Variants in MTUS2 observed in about 807,000 individuals in gnomAD.
MTUS2 encodes the protein microtubule-associated tumor suppressor candidate 2.
MTUS2 carries 40 observed loss-of-function variants against 114.1 expected under a neutral mutation model. The ratio of observed to expected loss-of-function variants is 0.35; its 90% CI spans 0.27 to 0.46. MTUS2 has a LOEUF of 0.46. Among genes scored for constraint, MTUS2 ranks in the 20% least tolerant of loss-of-function variants. MTUS2 has a pLI of 1.00. For synonymous variants in MTUS2, 688 were observed against 672.0 expected, an observed-to-expected ratio of 1.02 and a Z score of -0.37; for missense variants, 1,679 against 1,705.4, an observed-to-expected ratio of 0.98 and a Z score of 0.27.
chr13:29,000,741 C>A (rs1885348666), intron 2 of MTUS2, among the ~76,000 whole-genome samples: 1 of 152,216 alleles, frequency 6.6e-6, no homozygotes, highest in Non-Finnish European at 1.5e-5. Flanking sequence ...TCACCCTTGA[C>A]CTCACATCTG....
chr13:28,931,398 C>T (rs1160387029), intron 2 of MTUS2, among the ~76,000 whole-genome samples: 1 of 152,062 alleles, frequency 6.6e-6, no homozygotes, highest in African/African-American at 2.4e-5. Flanking sequence ...GGCAGTTTCC[C>T]CCATGTTGTT....
At chr13:28,895,910 C>T (rs374301150) in intron 2 of MTUS2, among the ~76,000 whole-genome samples, 2 of 152,126 alleles carry the variant, frequency 1.3e-5, no homozygotes, top group Admixed American at 6.5e-5. Flanking sequence ...ATATTTCCAC[C>T]GGCTCAGGAA....
chr13:29,442,815 A>T (rs1445442785), intron 9 of MTUS2, among the ~76,000 whole-genome samples: 1 of 152,230 alleles, frequency 6.6e-6, no homozygotes, highest in South Asian at 2.1e-4. Flanking sequence ...TTGGGTCTTC[A>T]GAGACTCAGG....
chr13:29,306,896 T>C lies in MTUS2; in HGVS notation c.2807-17717T>C, dbSNP rs1240987205. ...GCCATCAGTGACCCCTTCATTGACC[T>C]CAACTACATGGTCTACATGTTCCAG... On this transcript the variant is annotated intron_variant, in intron 6 of 15. Transcript: ENST00000612955. The C allele has an allele frequency of 8.5e-5, 44 of 514,662 alleles. No individual in the cohort carries two copies. The Admixed American group carries it at 8.6e-4, about 10-fold the overall frequency. The allele number at this position is 514,662 out of a possible 1,614,324, so 31.9% of individuals were successfully genotyped here.
chr13:28,976,034 T>A (rs570130915), intron 2 of MTUS2, among the ~76,000 whole-genome samples: 5 of 151,830 alleles, frequency 3.3e-5, no homozygotes, highest in Non-Finnish European at 5.9e-5. Flanking sequence ...CAGAGCTGCC[T>A]TGGAGGCAAA....
chr13:29,503,787 C>T lies in MTUS2; in HGVS notation c.*581C>T, dbSNP rs1029260893. ...GAAGAAGCGCCTTTCAACTCACCACCAAGTGGTACTCTCTTTAACACGAAC... is the reference window on the plus strand; with the variant it reads ...GAAGAAGCGCCTTTCAACTCACCACTAAGTGGTACTCTCTTTAACACGAAC... On this transcript the variant is annotated 3_prime_UTR_variant, in exon 16 of 16. Coordinates refer to ENST00000612955, the MANE Select transcript of MTUS2 (RefSeq NM_001033602.4). 4.2e-6 allele frequency: 1 copy of T among 237,066 alleles called. No individual in the cohort carries two copies. The highest frequency in any genetic ancestry group is 6.1e-5 in the East Asian group (1 of 16,472). The allele number at this position is 237,066 out of a possible 1,614,324, so 14.7% of individuals were successfully genotyped here.
intron 5 of MTUS2, among the ~76,000 whole-genome samples, chr13:29,145,430 G>C (rs1892393009): frequency 6.6e-6 from 1 of 152,138 alleles, no homozygotes. Flanking sequence ...TGAGGCAGGA[G>C]AATTGCTCAA....
rs150604080 is a variant in MTUS2 at position 28,894,357 on chromosome 13, T to TGAGAGA, written c.-243+54518_-243+54523dup. ...GAGAGAGAGAGAGAGAGAGTGAGAGTGAGAGAGAGAGAGAGAACAGAGCTC... is the reference window on the plus strand; with the variant it reads ...GAGAGAGAGAGAGAGAGAGTGAGAGTGAGAGAGAGAGAGAGAGAGAGAACAGAGCTC... On this transcript the variant is annotated intron_variant, in intron 2 of 15. Coordinates refer to ENST00000612955, the MANE Select transcript of MTUS2 (RefSeq NM_001033602.4). Among the ~76,000 whole-genome samples, 3 of 55,982 alleles carry TGAGAGA rather than the reference T, an allele frequency of 5.4e-5. No individual in the cohort carries two copies. In the East Asian group the frequency reaches 1.5e-3, roughly 27 times the overall value. 36.7% of individuals were successfully genotyped at this position (55,982 alleles called of 152,430 possible).
chr13:28,918,036 T>C (rs1880844040), intron 2 of MTUS2, among the ~76,000 whole-genome samples: 1 of 151,770 alleles, frequency 6.6e-6, no homozygotes, highest in South Asian at 2.1e-4. Context: ...AGTCTTCTGT[T>C]ATTGATATTA....
At chr13:29,202,962 C>T (rs760103988) in intron 5 of MTUS2, among the ~76,000 whole-genome samples, 16 of 152,198 alleles carry the variant, frequency 1.1e-4, no homozygotes, top group Non-Finnish European at 2.1e-4. Context: ...TGGGAGGTAT[C>T]TCCCAGTACA....
At chr13:28,970,604 A>G (rs1883810050) in intron 2 of MTUS2, among the ~76,000 whole-genome samples, 1 of 152,226 alleles carries the variant, frequency 6.6e-6, no homozygotes, top group Non-Finnish European at 1.5e-5. Flanking sequence ...ACAGGAAGAA[A>G]AGTAAGAAGA....
rs1897584712 is a variant in MTUS2, at chr13:29,264,237, T to C, written c.2645-17467T>C. 5.3e-5 allele frequency among the ~76,000 whole-genome samples: 8 copies of C among 152,372 alleles called. No individual in the cohort carries two copies. The South Asian group carries it at 1.7e-3, about 32-fold the overall frequency. On this transcript the variant is annotated intron_variant, in intron 5 of 15. Coordinates refer to ENST00000612955, the MANE Select transcript of MTUS2 (RefSeq NM_001033602.4). ...ATCTCCTTTGACTCCATGTCCCACA[T>C]CCAGGGCACACTAGTGCATGGGGTG...
At chr13:28,908,841 T>A (rs1324200078) in intron 2 of MTUS2, among the ~76,000 whole-genome samples, 10 of 151,644 alleles carry the variant, frequency 6.6e-5, no homozygotes, top group Non-Finnish European at 1.5e-4. Flanking sequence ...TGTAAGTCTT[T>A]AATCCATCTT....
chr13:29,500,196 G>A (rs1882795308), intron 14 of MTUS2, among the ~76,000 whole-genome samples: 1 of 152,192 alleles, frequency 6.6e-6, no homozygotes, highest in Non-Finnish European at 1.5e-5. Flanking sequence ...AGGCAAAAAA[G>A]AATCTACTCG....
At chr13:29,052,855 G>T (rs1396042050) in intron 4 of MTUS2, among the ~76,000 whole-genome samples, 1 of 152,120 alleles carries the variant, frequency 6.6e-6, no homozygotes, top group South Asian at 2.1e-4. Flanking sequence ...GGACCAGGTG[G>T]AGATAATTGA....
At position 28,820,599 on chromosome 13, in the gene MTUS2, C is replaced by G. The variant is rs1447770479; in HGVS notation, c.-328C>G. 2 of 152,334 alleles carry G rather than the reference C, an allele frequency of 1.3e-5. No individual in the cohort carries two copies. The highest frequency in any genetic ancestry group is 3.4e-3 in the Middle Eastern group (1 of 294). The allele number at this position is 152,334 out of a possible 1,614,324, so 9.4% of individuals were successfully genotyped here. A position where few individuals can be genotyped will look rare whatever the true frequency, so the allele number is the denominator to read the frequency against. On this transcript the variant is annotated 5_prime_UTR_variant, in exon 1 of 16. Coordinates refer to ENST00000612955, the MANE Select transcript of MTUS2 (RefSeq NM_001033602.4). ...CTTGGACATTACATCTTTCTTGGCT[C>G]TTTTTGACCCAGGTGAGCGAATCCT...
In MTUS2 at chr13:29,025,255, C is replaced by T; in HGVS notation, c.557C>T (p.Ala186Val). Residue 186 changes from alanine to valine, a missense_variant, in exon 3 of 16, where the codon GCA becomes GTA. Physicochemically the swap from Ala to Val is moderately conservative, Grantham distance 64. This residue lies in a region of MTUS2 where 843 missense variants were observed against 770.8 expected (regional missense o/e 1.09). Transcript: ENST00000612955. ...SLERASSSVA[A>V]VGSLTPQHPQ... ...GAAAGAGCAAGCAGCTCTGTAGCTG[C>T]AGTCGGGAGCCTGACTCCGCAGCAT... The T allele has an allele frequency of 6.2e-7, 1 of 1,613,982 alleles. No individual in the cohort carries two copies. The highest frequency in any genetic ancestry group is 1.6e-4 in the Middle Eastern group (1 of 6,062).
chr13:29,115,518 T>G (rs546751120), intron 5 of MTUS2, among the ~76,000 whole-genome samples: 1 of 152,342 alleles, frequency 6.6e-6, no homozygotes, highest in Non-Finnish European at 1.5e-5. Flanking sequence ...CTAGGCATTG[T>G]TGTTTCTTAT....
chr13:29,491,685 G>T (rs565469139), intron 11 of MTUS2, among the ~76,000 whole-genome samples: 2 of 146,844 alleles, frequency 1.4e-5, no homozygotes, highest in South Asian at 2.2e-4. Context: ...TGTGTGGTGT[G>T]TGTGGAGTGT....
Sources: gnomAD v4.1 joint callset for allele counts (sites outside exome capture counted in the v4.1 genomes callset) on GRCh38, gnomAD v4.1.1 for gene constraint, gnomAD v4.1.1 regional missense constraint, MANE v1.5 for transcripts, NCBI Gene and HGNC (gene_info 2026-07-23, HGNC 2026-07-21) for gene names.